PLCXD3: variants seen among roughly 807,000 people sequenced by gnomAD.
PLCXD3 encodes PI-PLC X domain-containing protein 3.
A neutral mutation model predicts 25.5 loss-of-function variants in PLCXD3; 19 were observed. The observed-to-expected ratio is 0.75, with a 90% CI of 0.52 to 1.09. The LOEUF (loss-of-function observed/expected upper bound fraction) is 1.09, where lower values mean the gene tolerates loss of function less well. Ranked by LOEUF, PLCXD3 falls within the 50% of genes least tolerant of loss-of-function variation. PLCXD3 has a pLI of 0.00. For missense variants in PLCXD3, 411 were observed against 388.1 expected (o/e 1.06, Z -0.50); for synonymous variants, 174 against 137.6 (o/e 1.26, Z -1.85).
At chr5:41,447,970 T>C (rs1747542254) in intron 1 of PLCXD3, among the ~76,000 whole-genome samples, 1 of 152,174 alleles carries the variant, frequency 6.6e-6, no homozygotes, top group Non-Finnish European at 1.5e-5. Flanking sequence ...ACAGTACAAA[T>C]GCCACCAATC....
chr5:41,361,590 C>CA (rs1040652249), intron 2 of PLCXD3, among the ~76,000 whole-genome samples: 8 of 152,108 alleles, frequency 5.3e-5, no homozygotes, highest in African/African-American at 1.7e-4. Context: ...TTAAACCCCA[C>CA]AAAAAACATG....
intron 1 of PLCXD3, among the ~76,000 whole-genome samples, chr5:41,446,241 C>A (rs1436154345): frequency 7.5e-6 from 1 of 132,618 alleles, no homozygotes; most frequent in African/African-American, 2.7e-5. Flanking sequence ...TTTGGTGGGG[C>A]AGGGGCAGAT....
At chr5:41,371,072 C>T (rs1031385805) in intron 2 of PLCXD3, among the ~76,000 whole-genome samples, 39 of 152,232 alleles carry the variant, frequency 2.6e-4, no homozygotes, top group African/African-American at 8.9e-4. Context: ...TTTGCATTTT[C>T]AGTAGCCAAT....
At chr5:41,360,627 C>T (rs1302357147) in intron 2 of PLCXD3, among the ~76,000 whole-genome samples, 3 of 152,148 alleles carry the variant, frequency 2.0e-5, no homozygotes, top group Non-Finnish European at 4.4e-5. Context: ...TGTTTTTCCT[C>T]TTCTGGGTCT....
At chr5:41,371,681 G>A (rs960104807) in intron 2 of PLCXD3, among the ~76,000 whole-genome samples, 1 of 152,088 alleles carries the variant, frequency 6.6e-6, no homozygotes, top group African/African-American at 2.4e-5. Flanking sequence ...AATAAATCCT[G>A]CACGTTCAAC....
At position 41,464,920 on chromosome 5, in the gene PLCXD3, T is replaced by C. The variant is rs1259740229; in HGVS notation, c.103+45504A>G. ...TTTCTGATCTTCTATTCAATGTATA[T>C]TATGTTTTTATTTCAATAACTACTT... On this transcript the variant is annotated intron_variant, in intron 1 of 2. Transcript: ENST00000377801. Among the ~76,000 whole-genome samples, 4 of 152,032 alleles carry C rather than the reference T, an allele frequency of 2.6e-5. No homozygotes were observed. The East Asian group carries it at 7.7e-4, about 29-fold the overall frequency.
chr5:41,366,369 A>C (rs1299293378), intron 2 of PLCXD3, among the ~76,000 whole-genome samples: 1 of 152,218 alleles, frequency 6.6e-6, no homozygotes, highest in East Asian at 1.9e-4. Context: ...ATGTAAATGC[A>C]TGTCTCCTAG....
chr5:41,468,491 T>C (rs1748076142), intron 1 of PLCXD3, among the ~76,000 whole-genome samples: 1 of 152,156 alleles, frequency 6.6e-6, no homozygotes, highest in African/African-American at 2.4e-5. Flanking sequence ...CAAAATTAAT[T>C]CTTCTAGTTC....
At chr5:41,386,201 T>C (rs930033973) in intron 1 of PLCXD3, among the ~76,000 whole-genome samples, 4 of 152,120 alleles carry the variant, frequency 2.6e-5, no homozygotes, top group Non-Finnish European at 5.9e-5. Context: ...TATATGCATG[T>C]TTCTATGCTT....
chr5:41,480,529 T>G (rs904345910), intron 1 of PLCXD3, among the ~76,000 whole-genome samples: 2 of 152,140 alleles, frequency 1.3e-5, no homozygotes, highest in Non-Finnish European at 2.9e-5. Flanking sequence ...AGAAAACTTT[T>G]TTTTTTTAAT....
intron 2 of PLCXD3, among the ~76,000 whole-genome samples, chr5:41,336,563 C>T (rs1743986284): frequency 1.3e-5 from 2 of 152,116 alleles, no homozygotes; most frequent in Admixed American, 1.3e-4. Context: ...ATGAGCCTCC[C>T]AGAGCTTCCC....
intron 1 of PLCXD3, among the ~76,000 whole-genome samples, chr5:41,389,261 G>C (rs1373409411): frequency 6.6e-6 from 1 of 152,030 alleles, no homozygotes; most frequent in Non-Finnish European, 1.5e-5. Context: ...TTCTCCCCAT[G>C]TTACAAGATA....
intron 2 of PLCXD3, among the ~76,000 whole-genome samples, chr5:41,371,685 G>T (rs189379364): frequency 1.3e-5 from 2 of 152,084 alleles, no homozygotes; most frequent in South Asian, 2.1e-4. Flanking sequence ...AATCCTGCAC[G>T]TTCAACTACA....
intron 1 of PLCXD3, among the ~76,000 whole-genome samples, chr5:41,462,457 A>T (rs1747909473): frequency 1.3e-5 from 2 of 151,956 alleles, no homozygotes; most frequent in South Asian, 4.1e-4. Flanking sequence ...TACACTTGGG[A>T]CTTATTTTCA....
rs149949879 is a variant in PLCXD3, at chr5:41,361,315, T to A, written c.812+20511A>T. Reference sequence around the variant, plus strand: ...CAGCCAATGCCCAGGGCTGAGAATTTGCCCCATACCATGAGCTTCCCTGCT... The same window carrying A: ...CAGCCAATGCCCAGGGCTGAGAATTAGCCCCATACCATGAGCTTCCCTGCT... On this transcript the variant is annotated intron_variant, in intron 2 of 2. Coordinates refer to ENST00000377801, the MANE Select transcript of PLCXD3 (RefSeq NM_001005473.3). 3.7e-4 allele frequency among the ~76,000 whole-genome samples: 56 copies of A among 152,330 alleles called. No individual in the cohort carries two copies. The East Asian group carries it at 6.9e-3, about 19-fold the overall frequency.
At chr5:41,407,453 C>A (rs1014978856) in intron 1 of PLCXD3, among the ~76,000 whole-genome samples, 1 of 152,114 alleles carries the variant, frequency 6.6e-6, no homozygotes, top group Non-Finnish European at 1.5e-5. Context: ...TTAATTTTTG[C>A]TTACTGTGTT....
chr5:41,351,284 T>C (rs1032209821), intron 2 of PLCXD3, among the ~76,000 whole-genome samples: 1 of 152,146 alleles, frequency 6.6e-6, no homozygotes, highest in African/African-American at 2.4e-5. Context: ...TCCCCACCTC[T>C]TGACATTTCA....
intron 2 of PLCXD3, among the ~76,000 whole-genome samples, chr5:41,353,293 G>C (rs544754288): frequency 3.3e-5 from 5 of 151,572 alleles, no homozygotes; most frequent in African/African-American, 1.2e-4. Flanking sequence ...AGTAGAGACA[G>C]GGTTTCACTG....
At chr5:41,415,963 A>C (rs1329308883) in intron 1 of PLCXD3, among the ~76,000 whole-genome samples, 9 of 152,200 alleles carry the variant, frequency 5.9e-5, no homozygotes, top group African/African-American at 1.7e-4. Context: ...GGCCACTCTT[A>C]ACTGATAAGA....
Sources: gnomAD v4.1 joint callset for allele counts (sites outside exome capture counted in the v4.1 genomes callset) on GRCh38, gnomAD v4.1.1 for gene constraint, MANE v1.5 for transcripts, NCBI Gene and HGNC (gene_info 2026-07-23, HGNC 2026-07-21) for gene names.